KAZN: variants seen among roughly 807,000 people sequenced by gnomAD.
KAZN encodes the protein kazrin, periplakin interacting protein, also known as kazrin.
Under a neutral mutation model 87.4 loss-of-function variants are expected in KAZN, and 40 were observed. The ratio of observed to expected loss-of-function variants is 0.46; its 90% confidence interval spans 0.36 to 0.60. KAZN has a LOEUF of 0.60. Ranked by LOEUF, KAZN falls within the 20% of genes least tolerant of loss-of-function variation. KAZN has a pLI of 0.00. For synonymous variants in KAZN, 466 were observed against 458.3 expected, an observed-to-expected ratio of 1.02 and a Z score of -0.22; for missense variants, 898 against 1,073.9, an observed-to-expected ratio of 0.84 and a Z score of 2.29.
At position 14,465,029 on chromosome 1, in the gene KAZN, T is replaced by C. The variant is rs116790679; in HGVS notation, c.250-133954T>C. 4.9e-3 allele frequency among the ~76,000 whole-genome samples: 744 copies of C among 152,262 alleles called. 3 individuals are homozygous for C. Among genetic ancestry groups the C allele is most frequent in the Non-Finnish European group, 6.2e-3 (420 of 68,012 alleles). On this transcript the variant is annotated intron_variant, in intron 2 of 16. Transcript: ENST00000636203. Reference sequence around the variant, plus strand: ...AACAAGGAGGATTAGGTGAACATTTTTTCTGTCTCACACCATGTCTGCAGA... The same window carrying C: ...AACAAGGAGGATTAGGTGAACATTTCTTCTGTCTCACACCATGTCTGCAGA...
At chr1:14,836,970 G>T (rs113469527) in intron 1 of KAZN, among the ~76,000 whole-genome samples, 118 of 152,234 alleles carry the variant, frequency 7.8e-4, no homozygotes, top group Middle Eastern at 3.4e-3. Flanking sequence ...CCGCCTTCCT[G>T]AATTCTGTCT....
Position 14,820,914 on chromosome 1 carries a change from G to T in KAZN, c.227-139770G>T, listed in dbSNP as rs114357984. Among the ~76,000 whole-genome samples the T allele has an allele frequency of 5.4e-3, 821 of 152,290 alleles. 8 individuals are homozygous for T. The highest frequency in any genetic ancestry group is 0.019 in the African/African-American group (771 of 41,568). ...GCAAAAGGTGAATAAGGGCTCAGAC[G>T]ACATGACGGCACCGGGGATGGCAAG... On this transcript the variant is annotated intron_variant, in intron 1 of 14. Transcript: ENST00000376030. This position sits in a 1 kb window ranked among gnomAD's most constrained non-coding sequence, Gnocchi z 4.1.
At chr1:13,928,855 T>C (rs1427113968) in intron 1 of KAZN, among the ~76,000 whole-genome samples, 1 of 152,092 alleles carries the variant, frequency 6.6e-6, no homozygotes, top group Non-Finnish European at 1.5e-5. Context: ...TCTTTTTTTT[T>C]TTTCCCTGAT....
At chr1:14,344,566 G>A (rs1657973899) in intron 2 of KAZN, among the ~76,000 whole-genome samples, 1 of 152,044 alleles carries the variant, frequency 6.6e-6, no homozygotes. Context: ...TTCTAATGGA[G>A]AGAACATAGA....
chr1:14,962,050 G>A (rs901320229), intron 2 of KAZN, among the ~76,000 whole-genome samples: 2 of 152,236 alleles, frequency 1.3e-5, no homozygotes, highest in Non-Finnish European at 2.9e-5. Flanking sequence ...AGGTGGCCTT[G>A]TCCCAGCTAG....
chr1:14,934,951 G>A (rs1572866563), intron 1 of KAZN, among the ~76,000 whole-genome samples: 1 of 152,238 alleles, frequency 6.6e-6, no homozygotes, highest in African/African-American at 2.4e-5. Context: ...CGCTGATCTG[G>A]GGTAGCCCTT....
rs574339802 is a variant in KAZN, at chr1:14,369,322, C to G, written c.249+188730C>G. Among the ~76,000 whole-genome samples the G allele has an allele frequency of 1.2e-4, 18 of 152,308 alleles. No homozygotes were observed. The East Asian group carries it at 3.5e-3, about 29-fold the overall frequency. On this transcript the variant is annotated intron_variant, in intron 2 of 16. Coordinates refer to the KAZN transcript ENST00000636203. ...TCCTCGCTCAATGCCAGGTCATTAA[C>G]TTTAACACTATCCAAGTGCTTGCAC...
chr1:14,995,798 G>A (rs1667805694), intron 2 of KAZN, among the ~76,000 whole-genome samples: 1 of 152,074 alleles, frequency 6.6e-6, no homozygotes, highest in Non-Finnish European at 1.5e-5. Flanking sequence ...TGGGTGCCTC[G>A]CCTGATTTAT....
In KAZN at chr1:15,094,452, C is replaced by G. The variant is rs918844183; in HGVS notation, c.1428+67C>G. The G allele has an allele frequency of 4.2e-6, 6 of 1,430,696 alleles. No individual in the cohort carries two copies. In the African/African-American group the frequency reaches 7.0e-5, roughly 17 times the overall value. 88.6% of individuals were successfully genotyped at this position (1,430,696 alleles called of 1,614,324 possible). Reference sequence around the variant, plus strand: ...TCTGTGAGCTTTACGTACCCAGAAGCTGGCCTGCCCCCCACTCCTACCCTG... The same window carrying G: ...TCTGTGAGCTTTACGTACCCAGAAGGTGGCCTGCCCCCCACTCCTACCCTG... On this transcript the variant is annotated intron_variant, in intron 9 of 14. Transcript: ENST00000376030. This position sits in a 1 kb window ranked among gnomAD's most constrained non-coding sequence, Gnocchi z 4.5.
intron 2 of KAZN, among the ~76,000 whole-genome samples, chr1:14,999,446 TCTCC>T (rs1668226353): frequency 6.6e-6 from 1 of 151,708 alleles, no homozygotes; most frequent in South Asian, 2.1e-4. Flanking sequence ...TCATTCCTTT[TCTCC>T]CTTGCTTCCT....
At chr1:14,280,787 G>A (rs1426734905) in intron 2 of KAZN, among the ~76,000 whole-genome samples, 2 of 152,168 alleles carry the variant, frequency 1.3e-5, no homozygotes, top group Non-Finnish European at 2.9e-5. Flanking sequence ...GACAATCCAC[G>A]TTTATAAGCA....
At chr1:14,180,325 G>A in intron 1 of KAZN, 1 of 880,668 alleles carries the variant, frequency 1.1e-6, no homozygotes, top group South Asian at 1.8e-5. Flanking sequence ...ATACATGCCT[G>A]GCTTAGACCT....
At chr1:14,677,984 C>G (rs572593714) in intron 1 of KAZN, among the ~76,000 whole-genome samples, 1 of 152,310 alleles carries the variant, frequency 6.6e-6, no homozygotes, top group Non-Finnish European at 1.5e-5. Flanking sequence ...TCCTCATGCC[C>G]TACGAAGTCT....
intron 1 of KAZN, among the ~76,000 whole-genome samples, chr1:14,120,563 C>T (rs1193490629): frequency 6.6e-6 from 1 of 152,114 alleles, no homozygotes; most frequent in Non-Finnish European, 1.5e-5. Context: ...TGGTAGATGC[C>T]CGTCTTCCTT....
chr1:15,084,588 A>C (rs1160294086), intron 8 of KAZN, among the ~76,000 whole-genome samples: 2 of 152,236 alleles, frequency 1.3e-5, no homozygotes, highest in African/African-American at 2.4e-5. Flanking sequence ...AAATGCTGCT[A>C]TCAGGACTGT....
intron 5 of KAZN, among the ~76,000 whole-genome samples, chr1:15,059,123 G>A: frequency 6.7e-6 from 1 of 148,722 alleles, no homozygotes; most frequent in Middle Eastern, 3.4e-3. Context: ...TTTTTGGAGA[G>A]ATGGAGTCTT....
At chr1:13,940,873 G>C (rs1488367680) in intron 1 of KAZN, among the ~76,000 whole-genome samples, 8 of 152,006 alleles carry the variant, frequency 5.3e-5, no homozygotes, top group African/African-American at 1.9e-4. Context: ...ATACCTAAAA[G>C]TTCTGAAATG....
chr1:14,249,661 A>G (rs1223828120), intron 2 of KAZN, among the ~76,000 whole-genome samples: 1 of 152,154 alleles, frequency 6.6e-6, no homozygotes. Flanking sequence ...ATTTCAGCAC[A>G]TGTCCCAGGC....
intron 1 of KAZN, among the ~76,000 whole-genome samples, chr1:14,152,931 C>G (rs559726332): frequency 9.7e-4 from 148 of 152,236 alleles, no homozygotes; most frequent in Non-Finnish European, 1.6e-3. Context: ...TTGCATTTAT[C>G]TGATGATCAA....
Sources: allele counts gnomAD v4.1 joint callset (sites outside exome capture counted in the v4.1 genomes callset), GRCh38; gene constraint gnomAD v4.1.1; non-coding constraint Gnocchi (gnomAD v3.1); transcripts MANE v1.5; gene names NCBI Gene and HGNC (gene_info 2026-07-23, HGNC 2026-07-21).